The following NEGR1 variants were observed in gnomAD, a reference collection of about 807,000 sequenced individuals.
The protein encoded by NEGR1 is neuronal growth regulator 1.
In NEGR1, 10 loss-of-function variants were observed where a neutral mutation model predicts 40.9. The ratio of observed to expected loss-of-function variants is 0.24; its 90% confidence interval spans 0.15 to 0.42. The LOEUF (loss-of-function observed/expected upper bound fraction) is 0.42. Ranked by LOEUF, NEGR1 falls within the 10% of genes least tolerant of loss-of-function variation. The probability of loss-of-function intolerance (pLI) is 1.00; values close to 1 mark genes in which losing one functional copy is unlikely to be tolerated. For missense variants in NEGR1, 352 were observed against 438.9 expected, an observed-to-expected ratio of 0.80 and a Z score of 1.77; for synonymous variants, 185 against 166.8, an observed-to-expected ratio of 1.11 and a Z score of -0.84.
intron 1 of NEGR1, among the ~76,000 whole-genome samples, chr1:71,991,208 C>T (rs545193496): frequency 3.1e-4 from 47 of 152,240 alleles, no homozygotes; most frequent in Middle Eastern, 3.4e-3. Context: ...TCTTTTCTCT[C>T]TGAAATCTAC....
chr1:72,182,689 A>G (rs1163073387), intron 1 of NEGR1, among the ~76,000 whole-genome samples: 5 of 151,758 alleles, frequency 3.3e-5, no homozygotes, highest in African/African-American at 1.2e-4. Context: ...TGAAATAACA[A>G]TTATATAATT....
chr1:71,604,479 A>C (rs1438502454), intron 5 of NEGR1, among the ~76,000 whole-genome samples: 3 of 152,150 alleles, frequency 2.0e-5, no homozygotes, highest in African/African-American at 7.2e-5. Context: ...TACTCACATA[A>C]AATTTATAGC....
intron 2 of NEGR1, among the ~76,000 whole-genome samples, chr1:71,850,509 A>T (rs1356059461): frequency 2.6e-5 from 4 of 152,098 alleles, no homozygotes; most frequent in Non-Finnish European, 5.9e-5. Context: ...ATAAACTCCT[A>T]CACGGCCCTT....
chr1:72,042,042 T>C (rs991122893), intron 1 of NEGR1, among the ~76,000 whole-genome samples: 142 of 148,426 alleles, frequency 9.6e-4, no homozygotes, highest in Non-Finnish European at 2.5e-4. Context: ...TATATATATA[T>C]CTATTTGAGA....
intron 1 of NEGR1, among the ~76,000 whole-genome samples, chr1:72,236,628 A>G (rs892306738): frequency 1.3e-5 from 2 of 151,904 alleles, no homozygotes; most frequent in African/African-American, 4.8e-5. Flanking sequence ...GCTATTTCTT[A>G]TTGTAAAGGT....
chr1:72,235,899 G>A (rs1654529454), intron 1 of NEGR1, among the ~76,000 whole-genome samples: 1 of 152,042 alleles, frequency 6.6e-6, no homozygotes, highest in African/African-American at 2.4e-5. Context: ...ATGTATTTAT[G>A]AAAGTGAATT....
At chr1:71,936,609 G>T (rs1241870051) in intron 1 of NEGR1, among the ~76,000 whole-genome samples, 1 of 152,150 alleles carries the variant, frequency 6.6e-6, no homozygotes, top group Admixed American at 6.5e-5. Flanking sequence ...AGGTAAACAT[G>T]AGAGAAATAG....
intron 1 of NEGR1, among the ~76,000 whole-genome samples, chr1:72,217,233 T>A (rs1006854558): frequency 1.3e-4 from 20 of 151,808 alleles, no homozygotes; most frequent in African/African-American, 4.8e-4. Flanking sequence ...ACAGAATAAA[T>A]TGTTAGGTGA....
At chr1:72,221,393 G>T in intron 1 of NEGR1, among the ~76,000 whole-genome samples, 1 of 151,892 alleles carries the variant, frequency 6.6e-6, no homozygotes, top group Non-Finnish European at 1.5e-5. Context: ...ATAAATTATT[G>T]TATTTATCTA....
At chr1:71,872,103 T>C (rs1039466910) in intron 2 of NEGR1, among the ~76,000 whole-genome samples, 1 of 152,166 alleles carries the variant, frequency 6.6e-6, no homozygotes, top group Non-Finnish European at 1.5e-5. Flanking sequence ...ATAAAATTGG[T>C]GAACAACTAT....
intron 1 of NEGR1, among the ~76,000 whole-genome samples, chr1:72,187,082 T>C (rs1652639379): frequency 6.6e-6 from 1 of 151,602 alleles, no homozygotes; most frequent in Admixed American, 6.6e-5. Context: ...CAAAATGGGC[T>C]GATAATGTAC....
chr1:71,426,255 CT>C (rs1213000887), intron 6 of NEGR1, among the ~76,000 whole-genome samples: 1 of 152,118 alleles, frequency 6.6e-6, no homozygotes, highest in African/African-American at 2.4e-5. Flanking sequence ...CTATTTGCTA[CT>C]TATCAGCATG....
At chr1:71,977,093 C>G (rs535544145) in intron 1 of NEGR1, among the ~76,000 whole-genome samples, 1 of 152,036 alleles carries the variant, frequency 6.6e-6, no homozygotes, top group African/African-American at 2.4e-5. Context: ...GAGGCCGAGG[C>G]GGGTGGACTG....
At chr1:71,413,265 T>C (rs965724663) in intron 6 of NEGR1, among the ~76,000 whole-genome samples, 1 of 152,194 alleles carries the variant, frequency 6.6e-6, no homozygotes, top group Non-Finnish European at 1.5e-5. Flanking sequence ...ACACTCCTCA[T>C]TCACTTATTC....
At chr1:72,234,560 A>C (rs750525376) in intron 1 of NEGR1, among the ~76,000 whole-genome samples, 12 of 152,138 alleles carry the variant, frequency 7.9e-5, no homozygotes, top group Non-Finnish European at 1.5e-4. Context: ...CAGTATCTAT[A>C]AGGAACTTAA....
intron 1 of NEGR1, among the ~76,000 whole-genome samples, chr1:72,206,409 G>A (rs1261210986): frequency 6.6e-6 from 1 of 152,052 alleles, no homozygotes; most frequent in Non-Finnish European, 1.5e-5. Flanking sequence ...TTCATTGTAA[G>A]TATTCAGTGA....
intron 1 of NEGR1, among the ~76,000 whole-genome samples, chr1:72,050,156 A>C (rs1647045011): frequency 6.6e-6 from 1 of 151,684 alleles, no homozygotes; most frequent in Non-Finnish European, 1.5e-5. Flanking sequence ...CATAATTTAA[A>C]AATTAATTAC....
At chr1:71,414,227 A>T (rs991343148) in intron 6 of NEGR1, among the ~76,000 whole-genome samples, 7 of 152,124 alleles carry the variant, frequency 4.6e-5, no homozygotes, top group African/African-American at 1.7e-4. Flanking sequence ...ATTATACACC[A>T]TTGATTAGAT....
chr1:72,040,043 A>G lies in NEGR1; in HGVS notation c.177-104732T>C, dbSNP rs532216959. Among the ~76,000 whole-genome samples the G allele has an allele frequency of 1.3e-3, 205 of 152,128 alleles. 2 individuals are homozygous for G. Among genetic ancestry groups the G allele is most frequent in the African/African-American group, 4.5e-3 (188 of 41,552 alleles). On this transcript the variant is annotated intron_variant, in intron 1 of 6. Transcript: ENST00000357731. ...ATGTGAGGCTGAGAATAAACAATAT[A>G]CTGACATATACAAAACCTTCAATAA... is the stretch of plus-strand genomic sequence containing the variant.
Sources: allele counts gnomAD v4.1 joint callset (sites outside exome capture counted in the v4.1 genomes callset), GRCh38; gene constraint gnomAD v4.1.1; transcripts MANE v1.5; gene names NCBI Gene and HGNC (gene_info 2026-07-23, HGNC 2026-07-21).